The following TLE4 variants were observed in gnomAD, a reference collection of about 807,000 sequenced individuals.
TLE4 encodes the protein transducin-like enhancer protein 4.
In TLE4, 8 loss-of-function variants were observed where a neutral mutation model predicts 92.8. The ratio of observed to expected loss-of-function variants is 0.09; its 90% CI spans 0.05 to 0.16. TLE4 has a LOEUF of 0.16. Among genes scored for constraint, TLE4 ranks in the 10% least tolerant of loss-of-function variants. The probability of loss-of-function intolerance (pLI) is 1.00; values close to 1 mark genes in which losing one functional copy is unlikely to be tolerated. For missense variants in TLE4, 675 were observed against 997.6 expected (o/e 0.68, Z 4.36); for synonymous variants, 371 against 374.1 (o/e 0.99, Z 0.10).
chr9:79,611,733 A>G (rs777989995), intron 4 of TLE4, among the ~76,000 whole-genome samples: 3 of 152,058 alleles, frequency 2.0e-5, no homozygotes, highest in South Asian at 2.1e-4. Flanking sequence ...TATACATCAC[A>G]AAATATACAA....
rs76380724 is a variant in TLE4, at chr9:79,661,792, A to G, written c.609+7717A>G. ...TTATTCATTATTTAGAACCAATCCA[A>G]TTATTTTTGTATGTAATAAATTTTA... On this transcript the variant is annotated intron_variant, in intron 8 of 19. Coordinates refer to ENST00000376552, the MANE Select transcript of TLE4 (RefSeq NM_007005.6). Among the ~76,000 whole-genome samples the G allele has an allele frequency of 6.4e-4, 98 of 152,290 alleles. No individual in the cohort carries two copies. The East Asian group carries it at 0.018, about 29-fold the overall frequency.
intron 4 of TLE4, among the ~76,000 whole-genome samples, chr9:79,603,527 T>A (rs895825581): frequency 2.0e-5 from 3 of 152,302 alleles, no homozygotes; most frequent in Non-Finnish European, 2.9e-5. Context: ...GTGTTTTTTT[T>A]AAGACATAAT....
rs2053562862 is a variant in TLE4 at position 79,629,274 on chromosome 9, C to T, written c.390+1826C>T. On this transcript the variant is annotated intron_variant, in intron 6 of 19. Coordinates refer to ENST00000376552, the MANE Select transcript of TLE4 (RefSeq NM_007005.6). The stretch of plus-strand genomic sequence containing the variant: ...TGGAGAGATTAAGCTAAATAAAAAA[C>T]ACTTTGTTTATGTGTTGGATGTTGC... Among the ~76,000 whole-genome samples the T allele has an allele frequency of 2.0e-5, 3 of 151,726 alleles. No individual in the cohort carries two copies. The South Asian group carries it at 6.2e-4, about 31-fold the overall frequency.
intron 8 of TLE4, 195 bp from the exon 9 acceptor site, chr9:79,704,588 C>A (rs1376770934): frequency 9.6e-6 from 6 of 623,848 alleles, no homozygotes; most frequent in Non-Finnish European, 1.6e-5. Context: ...TCCCCCTTGT[C>A]TTTTGCTACT....
intron 8 of TLE4, among the ~76,000 whole-genome samples, chr9:79,685,583 G>A (rs1381419718): frequency 6.6e-6 from 1 of 152,106 alleles, no homozygotes; most frequent in Non-Finnish European, 1.5e-5. Flanking sequence ...GTGTTCACCA[G>A]AATACTACTC....
At chr9:79,720,586 T>G (rs2075461707) in intron 16 of TLE4, among the ~76,000 whole-genome samples, 1 of 152,134 alleles carries the variant, frequency 6.6e-6, no homozygotes, top group Non-Finnish European at 1.5e-5. Flanking sequence ...ATCGCCAATT[T>G]GTTTTAATAA....
intron 8 of TLE4, among the ~76,000 whole-genome samples, chr9:79,701,605 C>G (rs139174991): frequency 2.8e-3 from 420 of 152,196 alleles, no homozygotes; most frequent in Non-Finnish European, 5.1e-3. Context: ...TTTAGTGCAT[C>G]TAAAGGTAAG....
intron 4 of TLE4, among the ~76,000 whole-genome samples, chr9:79,577,512 A>G (rs770071382): frequency 3.9e-5 from 6 of 152,176 alleles, no homozygotes; most frequent in Non-Finnish European, 8.8e-5. Context: ...ATTTCTGTTT[A>G]GATTAGTAAT....
intron 8 of TLE4, among the ~76,000 whole-genome samples, chr9:79,665,648 G>A (rs775656927): frequency 2.7e-4 from 41 of 152,158 alleles, no homozygotes; most frequent in Admixed American, 2.2e-3. Flanking sequence ...ACTCCCAATC[G>A]GGATATGGGC....
At chr9:79,577,826 G>A (rs943131077) in intron 4 of TLE4, among the ~76,000 whole-genome samples, 1 of 152,032 alleles carries the variant, frequency 6.6e-6, no homozygotes, top group African/African-American at 2.4e-5. Context: ...TTTCTAAGAG[G>A]CACATAGCTT....
At chr9:79,625,240 C>G (rs1245753888) in intron 5 of TLE4, among the ~76,000 whole-genome samples, 9 of 151,542 alleles carry the variant, frequency 5.9e-5, no homozygotes, top group African/African-American at 1.9e-4. Context: ...GGGATGGTCT[C>G]GATCTCCTGA....
intron 4 of TLE4, among the ~76,000 whole-genome samples, chr9:79,590,370 A>G (rs2042251094): frequency 6.6e-6 from 1 of 152,174 alleles, no homozygotes; most frequent in Non-Finnish European, 1.5e-5. Context: ...ATGGGGAGGT[A>G]AACTTTGGCA....
chr9:79,716,111 C>T (rs1285193506), intron 14 of TLE4, among the ~76,000 whole-genome samples: 1 of 152,122 alleles, frequency 6.6e-6, no homozygotes, highest in African/African-American at 2.4e-5. Context: ...ACTTTTTTTG[C>T]ACAAGTCTCC....
intron 4 of TLE4, among the ~76,000 whole-genome samples, chr9:79,578,551 G>A (rs1012655388): frequency 3.3e-5 from 5 of 152,098 alleles, no homozygotes; most frequent in African/African-American, 4.8e-5. Context: ...AAACAGGGTG[G>A]AGGTCGGTGT....
chr9:79,580,626 T>G (rs1024769158), intron 4 of TLE4, among the ~76,000 whole-genome samples: 2 of 152,162 alleles, frequency 1.3e-5, no homozygotes, highest in Admixed American at 1.3e-4. Flanking sequence ...TCTGTCTTAT[T>G]GTGTACTCTT....
chr9:79,572,894 C>A, intron 1 of TLE4, 59 bp downstream of exon 1: 11 of 1,541,760 alleles, frequency 7.1e-6, no homozygotes, highest in South Asian at 1.2e-5. Context: ...CCGCGTCGCC[C>A]CCTGCGCACC....
chr9:79,712,336 A>G (rs2073519480), intron 14 of TLE4, among the ~76,000 whole-genome samples: 1 of 152,332 alleles, frequency 6.6e-6, no homozygotes, highest in East Asian at 1.9e-4. Flanking sequence ...ATATGCATAC[A>G]GAGATAATAT....
At chr9:79,578,109 T>C (rs934593018) in intron 4 of TLE4, among the ~76,000 whole-genome samples, 3 of 152,162 alleles carry the variant, frequency 2.0e-5, no homozygotes, top group African/African-American at 4.8e-5. Flanking sequence ...CCCTTAAGCA[T>C]AGAGGCATAT....
intron 8 of TLE4, among the ~76,000 whole-genome samples, chr9:79,678,912 A>G (rs868707451): frequency 2.0e-4 from 31 of 151,978 alleles, no homozygotes; most frequent in African/African-American, 7.2e-4. Flanking sequence ...GAGAATGATG[A>G]TTTCCAGTTT....
Sources: allele counts gnomAD v4.1 joint callset (sites outside exome capture counted in the v4.1 genomes callset), GRCh38; gene constraint gnomAD v4.1.1; transcripts MANE v1.5; gene names NCBI Gene and HGNC (gene_info 2026-07-23, HGNC 2026-07-21).